The following DPRX variants were observed in gnomAD, a reference collection of about 807,000 sequenced individuals.
DPRX encodes the protein divergent-paired related homeobox.
Under a neutral mutation model 8.4 loss-of-function variants are expected in DPRX, and 11 were observed. That is an observed-to-expected ratio of 1.31 (90% CI 0.82 to 2.17). The LOEUF (loss-of-function observed/expected upper bound fraction) is 2.17. DPRX is among the 30% of genes most tolerant of loss of function. DPRX has a pLI of 0.00. For missense variants in DPRX, 211 were observed against 236.7 expected (o/e 0.89, Z 0.71); for synonymous variants, 72 against 87.0 (o/e 0.83, Z 0.96).
the DPRX span, among the ~76,000 whole-genome samples, chr19:53,611,048 A>G: frequency 6.6e-6 from 1 of 151,828 alleles, no homozygotes; most frequent in South Asian, 2.1e-4. Flanking sequence ...ATTACAGGCA[A>G]CCAACACCAT....
chr19:53,615,861 G>A, the DPRX span, among the ~76,000 whole-genome samples: 1 of 151,904 alleles, frequency 6.6e-6, no homozygotes, highest in Non-Finnish European at 1.5e-5. Flanking sequence ...CTAGCACTTT[G>A]GGAGGCCAAG....
At chr19:53,604,035 C>T in the DPRX span, among the ~76,000 whole-genome samples, 5 of 152,018 alleles carry the variant, frequency 3.3e-5, no homozygotes, top group East Asian at 1.9e-4. Context: ...CGTGAGCCAC[C>T]GCGCCCCGCC....
the DPRX span, among the ~76,000 whole-genome samples, chr19:53,621,922 T>G: frequency 6.6e-6 from 1 of 152,168 alleles, no homozygotes; most frequent in African/African-American, 2.4e-5. Flanking sequence ...CTCATTGTTA[T>G]GTGGGCCCCA....
At chr19:53,634,883 T>C (rs2091106463) in intron 2 of DPRX, among the ~76,000 whole-genome samples, 198 bp downstream of exon 2, 1 of 152,102 alleles carries the variant, frequency 6.6e-6, no homozygotes, top group African/African-American at 2.4e-5. Context: ...AAGGACCAGG[T>C]AGTAAATAAT....
chr19:53,635,959 T>C (rs531123239), intron 2 of DPRX, among the ~76,000 whole-genome samples: 1 of 152,202 alleles, frequency 6.6e-6, no homozygotes, highest in East Asian at 1.9e-4. Flanking sequence ...CCCCAAAATC[T>C]CTCATTTCTG....
Position 53,634,404 on chromosome 19 carries a change from C to G in DPRX, c.29-127C>G, listed in dbSNP as rs568233383. 2,117 of 1,229,672 alleles carry G rather than the reference C, an allele frequency of 1.7e-3. 7 individuals are homozygous for G. The highest frequency in any genetic ancestry group is 4.8e-3 in the South Asian group (323 of 66,820). 76.2% of individuals were successfully genotyped at this position (1,229,672 alleles called of 1,614,324 possible). On this transcript the variant is annotated intron_variant, in intron 1 of 2. Coordinates refer to ENST00000376650, the Ensembl canonical transcript of DPRX. ...TGAGATTGTGCCACTGCACTCCAGCCTCGGTGACAGAACCTCAGTCACTTG... is the reference window on the plus strand; with the variant it reads ...TGAGATTGTGCCACTGCACTCCAGCGTCGGTGACAGAACCTCAGTCACTTG...
At chr19:53,604,780 T>C in the DPRX span, among the ~76,000 whole-genome samples, 2 of 150,860 alleles carry the variant, frequency 1.3e-5, no homozygotes, top group East Asian at 3.9e-4. Flanking sequence ...GAGGCGGAGG[T>C]TGCAGTGAGC....
the DPRX span, chr19:53,601,138 T>C: frequency 2.5e-6 from 1 of 400,580 alleles, no homozygotes; most frequent in Non-Finnish European, 5.0e-6. Flanking sequence ...TGCCTTCATC[T>C]CCTGAGTAGC....
At chr19:53,623,568 G>A in the DPRX span, among the ~76,000 whole-genome samples, 4 of 151,806 alleles carry the variant, frequency 2.6e-5, no homozygotes, top group Non-Finnish European at 5.9e-5. Flanking sequence ...AATCCGGGAG[G>A]CAGAGGTTGC....
the DPRX span, among the ~76,000 whole-genome samples, chr19:53,609,488 AAAAAAAAAAC>A: frequency 6.7e-6 from 1 of 149,874 alleles, no homozygotes; most frequent in Non-Finnish European, 1.5e-5. Context: ...AAAAAAAAAA[AAAAAAAAAAC>A]AACCAAACCA....
the DPRX span, among the ~76,000 whole-genome samples, chr19:53,609,819 T>C: frequency 2.0e-4 from 30 of 152,094 alleles, no homozygotes; most frequent in East Asian, 4.8e-3. Flanking sequence ...ACCCTGTCTC[T>C]ACTAAAAATA....
At chr19:53,615,096 G>A in the DPRX span, among the ~76,000 whole-genome samples, 2 of 151,898 alleles carry the variant, frequency 1.3e-5, no homozygotes, top group Admixed American at 6.6e-5. Flanking sequence ...TGTCACCCAG[G>A]CTGGAGTGCT....
At chr19:53,601,732 T>C in the DPRX span, among the ~76,000 whole-genome samples, 1 of 152,114 alleles carries the variant, frequency 6.6e-6, no homozygotes, top group Non-Finnish European at 1.5e-5. Context: ...TCCACCCGCC[T>C]TGGCCTCCCA....
chr19:53,618,142 CA>C, the DPRX span, among the ~76,000 whole-genome samples: 123 of 119,204 alleles, frequency 1.0e-3, 1 homozygote, highest in Admixed American at 1.8e-3. Context: ...GACTCTGTTT[CA>C]AAAAAAAAAA....
the DPRX span, among the ~76,000 whole-genome samples, chr19:53,607,945 G>A: frequency 6.6e-6 from 1 of 151,372 alleles, no homozygotes; most frequent in Non-Finnish European, 1.5e-5. Context: ...GTCAGAGGTG[G>A]ACAGATCAAT....
At chr19:53,622,561 G>A in the DPRX span, among the ~76,000 whole-genome samples, 1 of 152,074 alleles carries the variant, frequency 6.6e-6, no homozygotes, top group Non-Finnish European at 1.5e-5. Context: ...CTGGGCATGG[G>A]GAATTCTCTG....
At chr19:53,610,984 C>T in the DPRX span, among the ~76,000 whole-genome samples, 1 of 151,732 alleles carries the variant, frequency 6.6e-6, no homozygotes, top group African/African-American at 2.4e-5. Context: ...CTCAATGAAA[C>T]CTCCGCCTCC....
At chr19:53,619,999 G>A in the DPRX span, among the ~76,000 whole-genome samples, 1 of 152,116 alleles carries the variant, frequency 6.6e-6, no homozygotes, top group Non-Finnish European at 1.5e-5. Flanking sequence ...GAAAGACTGG[G>A]ACATTTCTGT....
the DPRX span, among the ~76,000 whole-genome samples, chr19:53,623,239 G>A: frequency 1.3e-5 from 2 of 151,726 alleles, no homozygotes; most frequent in Non-Finnish European, 2.9e-5. Flanking sequence ...CCCAGGAGGT[G>A]GAGGTTGCAG....
Sources: allele counts gnomAD v4.1 joint callset (sites outside exome capture counted in the v4.1 genomes callset), GRCh38; gene constraint gnomAD v4.1.1; transcripts MANE v1.5; gene names NCBI Gene and HGNC (gene_info 2026-07-23, HGNC 2026-07-21).